CNBD1: variants seen among roughly 807,000 people sequenced by gnomAD.
The protein encoded by CNBD1 is cyclic nucleotide binding domain containing 1.
A neutral mutation model predicts 54.4 loss-of-function variants in CNBD1; 71 were observed. The observed-to-expected ratio is 1.30, with a 90% confidence interval of 1.08 to 1.59. The LOEUF (loss-of-function observed/expected upper bound fraction) is 1.59. Ranked by LOEUF, CNBD1 falls within the 40% of genes most tolerant of loss-of-function variation. The pLI is 0.00. For missense variants in CNBD1, 659 were observed against 518.0 expected, an observed-to-expected ratio of 1.27 and a Z score of -2.64; for synonymous variants, 182 against 170.7, an observed-to-expected ratio of 1.07 and a Z score of -0.51.
chr8:87,188,470 C>A (rs1813528245), intron 4 of CNBD1, among the ~76,000 whole-genome samples: 1 of 152,136 alleles, frequency 6.6e-6, no homozygotes, highest in African/African-American at 2.4e-5. Context: ...TGGTTCACAC[C>A]AGCAATCCCA....
intron 4 of CNBD1, among the ~76,000 whole-genome samples, chr8:87,018,160 T>C (rs1178088878): frequency 6.6e-6 from 1 of 152,184 alleles, no homozygotes; most frequent in Non-Finnish European, 1.5e-5. Context: ...GAAGAATCGC[T>C]TGAACCTGGG....
chr8:87,051,613 G>A (rs1017299726), intron 4 of CNBD1, among the ~76,000 whole-genome samples: 2 of 152,204 alleles, frequency 1.3e-5, no homozygotes, highest in Admixed American at 6.5e-5. Context: ...AAAGGGATGG[G>A]CTGAAATAAA....
intron 4 of CNBD1, among the ~76,000 whole-genome samples, chr8:86,994,984 G>A (rs1284908348): frequency 6.6e-6 from 1 of 152,074 alleles, no homozygotes; most frequent in Non-Finnish European, 1.5e-5. Context: ...GAATCTGAAG[G>A]GGGACAAAGA....
intron 3 of CNBD1, among the ~76,000 whole-genome samples, chr8:86,907,699 AC>A (rs545258917): frequency 3.3e-5 from 5 of 151,956 alleles, no homozygotes; most frequent in Non-Finnish European, 7.4e-5. Flanking sequence ...ACAAAAAAAA[AC>A]CCCTTAAACT....
At position 87,284,591 on chromosome 8, in the gene CNBD1, A is replaced by G. The variant is rs991253966; in HGVS notation, c.772-87A>G. Reference sequence around the variant, plus strand: ...TAGAACCCCCTCTTTCATAGAATGAAAGCTTGACCTACAATCCAATCCTTC... The same window carrying G: ...TAGAACCCCCTCTTTCATAGAATGAGAGCTTGACCTACAATCCAATCCTTC... On this transcript the variant is annotated intron_variant, in intron 6 of 10. Coordinates refer to ENST00000518476, the MANE Select transcript of CNBD1 (RefSeq NM_173538.3). 11 of 1,185,078 alleles carry G rather than the reference A, an allele frequency of 9.3e-6. No individual in the cohort carries two copies. The African/African-American group carries it at 1.4e-4, about 15-fold the overall frequency. 73.4% of individuals were successfully genotyped at this position (1,185,078 alleles called of 1,614,324 possible). A position where few individuals can be genotyped will look rare whatever the true frequency, so the allele number is the denominator to read the frequency against.
intron 3 of CNBD1, among the ~76,000 whole-genome samples, chr8:86,933,867 A>G (rs1809499719): frequency 6.6e-6 from 1 of 152,160 alleles, no homozygotes; most frequent in African/African-American, 2.4e-5. Flanking sequence ...TAGTGTAACA[A>G]TCCAATTGAG....
At chr8:87,422,486 A>G (rs111957391) in intron 2 of CNBD1, among the ~76,000 whole-genome samples, 27,770 of 151,256 alleles carry the variant, frequency 0.18, 2,784 homozygotes, top group South Asian at 0.23. Context: ...TCAGCTTTCT[A>G]CATATGGCTA....
chr8:87,341,999 C>T (rs549323908), intron 8 of CNBD1, among the ~76,000 whole-genome samples: 51 of 152,216 alleles, frequency 3.4e-4, no homozygotes, highest in East Asian at 9.7e-4. Context: ...CTGGGCTTGG[C>T]GCAGTGGCTC....
chr8:87,293,667 A>AT (rs1808824546), intron 8 of CNBD1, among the ~76,000 whole-genome samples: 1 of 152,236 alleles, frequency 6.6e-6, no homozygotes, highest in Non-Finnish European at 1.5e-5. Context: ...AAAAAGTATG[A>AT]TTTTTAAACA....
chr8:86,892,786 T>C (rs548790665), intron 2 of CNBD1, among the ~76,000 whole-genome samples: 3 of 152,324 alleles, frequency 2.0e-5, no homozygotes, highest in African/African-American at 4.8e-5. Context: ...CTTTCCTTTT[T>C]CTTCCCTTTT....
At chr8:86,952,342 G>A (rs746073526) in intron 4 of CNBD1, among the ~76,000 whole-genome samples, 10 of 152,082 alleles carry the variant, frequency 6.6e-5, no homozygotes, top group Non-Finnish European at 1.2e-4. Flanking sequence ...GGTTCACAGT[G>A]TGAATTATCT....
At chr8:87,294,126 A>G (rs1216490175) in intron 8 of CNBD1, among the ~76,000 whole-genome samples, 3 of 152,168 alleles carry the variant, frequency 2.0e-5, no homozygotes, top group Non-Finnish European at 4.4e-5. Flanking sequence ...GTACTAGAAA[A>G]CCAGAACAAT....
chr8:86,883,279 A>T (rs928144020), intron 1 of CNBD1, among the ~76,000 whole-genome samples: 1 of 152,156 alleles, frequency 6.6e-6, no homozygotes, highest in South Asian at 2.1e-4. Context: ...TTATATGGCA[A>T]AATAAACATG....
intron 4 of CNBD1, among the ~76,000 whole-genome samples, chr8:87,192,258 A>G (rs1813629263): frequency 6.6e-6 from 1 of 152,068 alleles, no homozygotes; most frequent in Non-Finnish European, 1.5e-5. Flanking sequence ...GATTTGTTGT[A>G]CTTTCTTCTT....
chr8:87,346,853 T>G (rs570108992), intron 8 of CNBD1, among the ~76,000 whole-genome samples: 1 of 152,312 alleles, frequency 6.6e-6, no homozygotes, highest in South Asian at 2.1e-4. Context: ...TGAAAATGAA[T>G]GTTTAGTTAA....
chr8:87,039,459 T>G (rs149588017), intron 4 of CNBD1, among the ~76,000 whole-genome samples: 2 of 152,176 alleles, frequency 1.3e-5, no homozygotes, highest in African/African-American at 4.8e-5. Flanking sequence ...CCATGGTTTT[T>G]TGGGGGGGTT....
chr8:87,206,217 A>G (rs1813972382), intron 5 of CNBD1, 79 bp downstream of exon 5: 5 of 1,121,504 alleles, frequency 4.5e-6, no homozygotes, highest in Non-Finnish European at 6.0e-6. Context: ...TATAATGCTT[A>G]TAATTTCACT....
chr8:87,171,167 T>C (rs549498379), intron 4 of CNBD1, among the ~76,000 whole-genome samples: 79 of 152,312 alleles, frequency 5.2e-4, no homozygotes, highest in Non-Finnish European at 9.8e-4. Flanking sequence ...TTTTCTTTGC[T>C]GGGAGACATT....
intron 4 of CNBD1, among the ~76,000 whole-genome samples, chr8:87,135,219 T>A (rs1812204246): frequency 6.6e-6 from 1 of 152,016 alleles, no homozygotes; most frequent in East Asian, 1.9e-4. Flanking sequence ...AATATAGTAC[T>A]GTCTATTAGA....
Sources: allele counts gnomAD v4.1 joint callset (sites outside exome capture counted in the v4.1 genomes callset), GRCh38; gene constraint gnomAD v4.1.1; transcripts MANE v1.5; gene names NCBI Gene and HGNC (gene_info 2026-07-23, HGNC 2026-07-21).